The following ZC3H18 variants were observed in gnomAD, a reference collection of about 807,000 sequenced individuals.
ZC3H18 encodes the protein zinc finger CCCH-type containing 18.
In ZC3H18, 8 loss-of-function variants were observed where a neutral mutation model predicts 106.1. The observed-to-expected ratio is 0.08, with a 90% CI of 0.04 to 0.14. The LOEUF is 0.14. ZC3H18 is among the 10% of genes least tolerant of loss of function. The pLI is 1.00. For missense variants in ZC3H18, 1,318 were observed against 1,278.4 expected, an observed-to-expected ratio of 1.03 and a Z score of -0.47; for synonymous variants, 635 against 522.1, an observed-to-expected ratio of 1.22 and a Z score of -2.95.
At chr16:88,596,189 G>A (rs1293710913) in intron 3 of ZC3H18, among the ~76,000 whole-genome samples, 1 of 152,208 alleles carries the variant, frequency 6.6e-6, no homozygotes, top group African/African-American at 2.4e-5. Context: ...TCACTGGTTT[G>A]TTCTCTTCTG....
At chr16:88,623,892 C>A in intron 10 of ZC3H18, 66 bp from the exon 11 acceptor site, 1 of 1,537,882 alleles carries the variant, frequency 6.5e-7, no homozygotes, top group South Asian at 1.2e-5. Context: ...GGTGGGTCCT[C>A]AGTGGGCTTG....
At chr16:88,621,386 G>C (rs1470945251) in intron 8 of ZC3H18, among the ~76,000 whole-genome samples, 2 of 152,088 alleles carry the variant, frequency 1.3e-5, no homozygotes, top group South Asian at 2.1e-4. Context: ...CACCACGCCT[G>C]GCTAATTTTA....
chr16:88,591,487 G>A lies in ZC3H18; in HGVS notation c.688+4803G>A, dbSNP rs141257287. 5.7e-3 allele frequency among the ~76,000 whole-genome samples: 864 copies of A among 151,938 alleles called. 12 individuals are homozygous for A. The highest frequency in any genetic ancestry group is 0.02 in the African/African-American group (811 of 41,432). On this transcript the variant is annotated intron_variant, in intron 3 of 17. Transcript: ENST00000301011. ...TTTGGGAGGCCAAAGCAGGAGAATC[G>A]CTTGAACCCAGTAGGTGGAGGTTGC...
At chr16:88,615,581 A>G (rs947230317) in intron 8 of ZC3H18, among the ~76,000 whole-genome samples, 15 of 152,244 alleles carry the variant, frequency 9.9e-5, no homozygotes, top group African/African-American at 3.6e-4. Context: ...TGATTTCTAC[A>G]AACAGAACCA....
intron 16 of ZC3H18, among the ~76,000 whole-genome samples, chr16:88,629,335 G>A (rs1319149535): frequency 6.6e-6 from 1 of 152,218 alleles, no homozygotes; most frequent in Admixed American, 6.5e-5. Context: ...AATTAGTTGG[G>A]CGTAGTGGCG....
At chr16:88,614,283 G>GCA (rs1054647143) in intron 8 of ZC3H18, among the ~76,000 whole-genome samples, 3 of 152,252 alleles carry the variant, frequency 2.0e-5, no homozygotes, top group Admixed American at 1.3e-4. Flanking sequence ...CAGAGACCTG[G>GCA]CAGCCATCAG....
chr16:88,592,445 C>T (rs1330878643), intron 3 of ZC3H18, among the ~76,000 whole-genome samples: 1 of 152,080 alleles, frequency 6.6e-6, no homozygotes, highest in Non-Finnish European at 1.5e-5. Flanking sequence ...GAGGTCAAAA[C>T]TATATTTATT....
At chr16:88,571,552 C>G in intron 1 of ZC3H18, 3 of 904,562 alleles carry the variant, frequency 3.3e-6, no homozygotes, top group Non-Finnish European at 4.0e-6. Context: ...CAGTATGGAG[C>G]CCAGCCAGCC....
intron 17 of ZC3H18, among the ~76,000 whole-genome samples, 168 bp downstream of exon 17, chr16:88,630,749 A>ACCCCCC (rs1277102238): frequency 1.9e-4 from 8 of 43,176 alleles, no homozygotes; most frequent in Non-Finnish European, 3.0e-4. Flanking sequence ...TTGCAGCCCC[A>ACCCCCC]CCCCCCACCC....
chr16:88,582,227 T>C (rs1221369727), intron 2 of ZC3H18, among the ~76,000 whole-genome samples: 2 of 132,040 alleles, frequency 1.5e-5, no homozygotes, highest in Non-Finnish European at 3.2e-5. Context: ...TTCTTTTTTT[T>C]TTTTTTTTTT....
chr16:88,586,806 TAGGTGG>T, intron 3 of ZC3H18, 122 bp downstream of exon 3: 2 of 668,554 alleles, frequency 3.0e-6, no homozygotes, highest in Non-Finnish European at 2.7e-6. Context: ...CATTACTGGC[TAGGTGG>T]TGGTGGTGGT....
At chr16:88,602,493 T>G (rs946957980) in intron 6 of ZC3H18, among the ~76,000 whole-genome samples, 3 of 152,168 alleles carry the variant, frequency 2.0e-5, no homozygotes, top group African/African-American at 7.2e-5. Flanking sequence ...GAGGTCAGAT[T>G]CTTAGCTCGA....
Position 88,577,414 on chromosome 16 carries a change from C to T in ZC3H18, c.291C>T (p.Cys97=), listed in dbSNP as rs370000282. ...ELSRGPTSSP[C]EEEGDEGEED... ...GCCGGGGCCCGACCAGCTCCCCCTG[C>T]GAGGAGGAGGGGGACGAAGGGGAGG... is the stretch of plus-strand genomic sequence containing the variant. Residue 97 remains cysteine, a synonymous_variant, in exon 2 of 18, where the codon TGC becomes TGT. Transcript: ENST00000301011. The T allele has an allele frequency of 2.2e-5, 36 of 1,601,692 alleles. No individual in the cohort carries two copies. Among genetic ancestry groups the T allele is most frequent in the South Asian group, 2.2e-5 (2 of 89,842 alleles).
chr16:88,623,905 C>G (rs997147765), intron 10 of ZC3H18, 53 bp from the exon 11 acceptor site: 1 of 1,552,236 alleles, frequency 6.4e-7, no homozygotes, highest in African/African-American at 1.4e-5. Context: ...TGGGCTTGGG[C>G]TGGTGAAGAA....
chr16:88,594,943 C>A (rs1332258858), intron 3 of ZC3H18, among the ~76,000 whole-genome samples: 2 of 151,842 alleles, frequency 1.3e-5, no homozygotes, highest in African/African-American at 2.4e-5. Context: ...CCTGAGGTCG[C>A]AAGCTCAAGA....
chr16:88,571,905 A>G (rs1914431053), intron 1 of ZC3H18, among the ~76,000 whole-genome samples: 1 of 152,230 alleles, frequency 6.6e-6, no homozygotes, highest in African/African-American at 2.4e-5. Flanking sequence ...TCAAATAGGT[A>G]CTGCTCTGTT....
chr16:88,578,724 C>T (rs1471693779), intron 2 of ZC3H18, among the ~76,000 whole-genome samples: 2 of 152,050 alleles, frequency 1.3e-5, no homozygotes, highest in South Asian at 2.1e-4. Flanking sequence ...AGAGAGTCTA[C>T]CCTGTAACCC....
chr16:88,588,772 T>C (rs1299856854), intron 3 of ZC3H18, among the ~76,000 whole-genome samples: 1 of 150,956 alleles, frequency 6.6e-6, no homozygotes, highest in African/African-American at 2.4e-5. Context: ...CCCAGCTACG[T>C]GGGGGGTGGG....
chr16:88,571,793 C>A, intron 1 of ZC3H18: 1 of 499,108 alleles, frequency 2.0e-6, no homozygotes, highest in Non-Finnish European at 2.6e-6. Flanking sequence ...GGTCACTTTG[C>A]ACGTGGGGTC....
Sources: allele counts gnomAD v4.1 joint callset (sites outside exome capture counted in the v4.1 genomes callset), GRCh38; gene constraint gnomAD v4.1.1; transcripts MANE v1.5; gene names NCBI Gene and HGNC (gene_info 2026-07-23, HGNC 2026-07-21).